Variants in RGS7 observed in about 807,000 individuals in gnomAD.
RGS7 encodes regulator of G-protein signaling 7.
A neutral mutation model predicts 81.1 loss-of-function variants in RGS7; 27 were observed. The observed-to-expected ratio is 0.33, with a 90% CI of 0.25 to 0.46. RGS7 has a LOEUF of 0.46. Among genes scored for constraint, RGS7 ranks in the 20% least tolerant of loss-of-function variants. The probability of loss-of-function intolerance (pLI) is 1.00; values close to 1 mark genes in which losing one functional copy is unlikely to be tolerated. For synonymous variants in RGS7, 208 were observed against 207.7 expected (o/e 1.00, Z -0.01); for missense variants, 396 against 607.4 (o/e 0.65, Z 3.66).
At chr1:241,315,086 C>CT (rs1185938615) in intron 2 of RGS7, among the ~76,000 whole-genome samples, 23 of 56,644 alleles carry the variant, frequency 4.1e-4, no homozygotes, top group East Asian at 6.7e-4. Context: ...ACAGTAGAAG[C>CT]TTTTTTTTTT....
chr1:241,227,240 C>T (rs185810838), intron 2 of RGS7, among the ~76,000 whole-genome samples: 1 of 152,088 alleles, frequency 6.6e-6, no homozygotes. Flanking sequence ...CTGTCTCATG[C>T]CTACAGTGAG....
chr1:241,289,321 C>G, intron 2 of RGS7, among the ~76,000 whole-genome samples: 1 of 152,192 alleles, frequency 6.6e-6, no homozygotes, highest in Admixed American at 6.5e-5. Context: ...CTTTATCTAG[C>G]AAATGCCCAC....
At chr1:241,082,822 C>T (rs1028128765) in intron 3 of RGS7, among the ~76,000 whole-genome samples, 1 of 152,198 alleles carries the variant, frequency 6.6e-6, no homozygotes, top group Non-Finnish European at 1.5e-5. Context: ...CAATATATCA[C>T]ATGTACTGCC....
intron 2 of RGS7, among the ~76,000 whole-genome samples, chr1:241,168,087 T>G (rs2103241631): frequency 6.6e-6 from 1 of 152,318 alleles, no homozygotes; most frequent in South Asian, 2.1e-4. Flanking sequence ...GTAGCTTAAA[T>G]TTTACTCCAA....
At chr1:240,997,318 T>C (rs543144027) in intron 3 of RGS7, among the ~76,000 whole-genome samples, 2 of 152,310 alleles carry the variant, frequency 1.3e-5, no homozygotes, top group South Asian at 2.1e-4. Context: ...CAGCTCTTTT[T>C]AGTTGATGAT....
intron 2 of RGS7, among the ~76,000 whole-genome samples, chr1:241,124,402 A>G (rs1229618770): frequency 6.6e-6 from 1 of 152,174 alleles, no homozygotes; most frequent in Non-Finnish European, 1.5e-5. Context: ...TCTTTGAAAA[A>G]AATAAAAAAG....
At chr1:241,324,055 A>G (rs1290338875) in intron 2 of RGS7, among the ~76,000 whole-genome samples, 1 of 152,196 alleles carries the variant, frequency 6.6e-6, no homozygotes, top group Non-Finnish European at 1.5e-5. Context: ...TGTTATGAGA[A>G]ATGCGTGAGA....
At chr1:241,306,698 CAT>C (rs1313529424) in intron 2 of RGS7, among the ~76,000 whole-genome samples, 4 of 151,810 alleles carry the variant, frequency 2.6e-5, no homozygotes, top group African/African-American at 7.3e-5. Context: ...CTTACACACA[CAT>C]ACACCCTTAT....
intron 4 of RGS7, among the ~76,000 whole-genome samples, chr1:240,957,640 T>C (rs1446476264): frequency 6.6e-6 from 1 of 152,238 alleles, no homozygotes; most frequent in Non-Finnish European, 1.5e-5. Context: ...CAGTTAATAT[T>C]AATGTATGTT....
At chr1:241,331,968 GA>G (rs1380672067) in intron 2 of RGS7, among the ~76,000 whole-genome samples, 1 of 152,224 alleles carries the variant, frequency 6.6e-6, no homozygotes. Context: ...AATGGACTAA[GA>G]GAACAATCGA....
intron 2 of RGS7, among the ~76,000 whole-genome samples, chr1:241,136,174 G>A (rs2067502537): frequency 6.6e-6 from 1 of 152,126 alleles, no homozygotes. Flanking sequence ...AGGGTAGATG[G>A]TGGAGGAAAG....
intron 6 of RGS7, among the ~76,000 whole-genome samples, chr1:240,927,508 G>A (rs991570165): frequency 1.3e-5 from 2 of 152,188 alleles, no homozygotes; most frequent in Non-Finnish European, 2.9e-5. Context: ...TAAAAGCCGG[G>A]AGTGAGGTTT....
At chr1:240,811,873 A>C (rs771908837) in intron 14 of RGS7, 45 bp downstream of exon 14, 1 of 1,521,712 alleles carries the variant, frequency 6.6e-7, no homozygotes, top group African/African-American at 1.4e-5. Flanking sequence ...GACACATCAC[A>C]GACAGTATTT....
chr1:240,821,122 C>T (rs914396683), intron 10 of RGS7, among the ~76,000 whole-genome samples: 1 of 152,128 alleles, frequency 6.6e-6, no homozygotes, highest in Admixed American at 6.6e-5. Context: ...CAAGCTTGAC[C>T]ACTGCCTGCC....
At chr1:241,152,140 CAA>C (rs112950850) in intron 2 of RGS7, among the ~76,000 whole-genome samples, 153 of 108,382 alleles carry the variant, frequency 1.4e-3, no homozygotes, top group African/African-American at 3.5e-3. Context: ...CATTAGCAGC[CAA>C]AAAAAAAAAA....
At chr1:241,281,060 T>A (rs1232459153) in intron 2 of RGS7, among the ~76,000 whole-genome samples, 2 of 151,734 alleles carry the variant, frequency 1.3e-5, no homozygotes, top group Non-Finnish European at 2.9e-5. Context: ...TAAAAAAAAA[T>A]AAGAAAAAGT....
chr1:241,344,876 T>C (rs1367032981), intron 2 of RGS7, among the ~76,000 whole-genome samples: 3 of 152,240 alleles, frequency 2.0e-5, no homozygotes, highest in Admixed American at 6.5e-5. Context: ...GGCACTGTGC[T>C]AGGCACTCAG....
At chr1:241,148,191 C>G (rs2103117257) in intron 2 of RGS7, among the ~76,000 whole-genome samples, 1 of 151,534 alleles carries the variant, frequency 6.6e-6, no homozygotes, top group Non-Finnish European at 1.5e-5. Context: ...GCTGAGATTA[C>G]AGGTGTGTGC....
rs138376759 is a variant in RGS7 at position 241,316,085 on chromosome 1, C to T, written c.78+39614G>A. ...CATAACATGCTTCTGACACTCATTG[C>T]GGGGGGTTCTTCCCCACACATCAAG... On this transcript the variant is annotated intron_variant, in intron 2 of 18. Transcript: ENST00000440928. 2.3e-3 allele frequency among the ~76,000 whole-genome samples: 350 copies of T among 152,224 alleles called. 1 individual carries two copies. Among genetic ancestry groups the T allele is most frequent in the African/African-American group, 8.1e-3 (335 of 41,528 alleles).
Sources: gnomAD v4.1 joint callset for allele counts (sites outside exome capture counted in the v4.1 genomes callset) on GRCh38, gnomAD v4.1.1 for gene constraint, MANE v1.5 for transcripts, NCBI Gene and HGNC (gene_info 2026-07-23, HGNC 2026-07-21) for gene names.